RIMS1: variants seen among roughly 807,000 people sequenced by gnomAD.
The protein encoded by RIMS1 is regulating synaptic membrane exocytosis 1.
In RIMS1, 83 loss-of-function variants were observed where a neutral mutation model predicts 214.1. That is an observed-to-expected ratio of 0.39 (90% confidence interval 0.32 to 0.47). RIMS1 has a LOEUF of 0.47. Ranked by LOEUF, RIMS1 falls within the 20% of genes least tolerant of loss-of-function variation. The pLI, the probability that RIMS1 is intolerant of heterozygous loss-of-function variation, is 0.99. For missense variants in RIMS1, 2,050 were observed against 2,161.8 expected (o/e 0.95, Z 1.03); for synonymous variants, 793 against 786.8 (o/e 1.01, Z -0.13).
At chr6:72,262,152 A>G (rs979445725) in intron 19 of RIMS1, 1 of 979,318 alleles carries the variant, frequency 1.0e-6, no homozygotes, top group African/African-American at 1.7e-5. Flanking sequence ...TACTCACACC[A>G]GTGGTCTAAA....
chr6:72,077,363 T>C (rs1832182961), intron 2 of RIMS1, among the ~76,000 whole-genome samples: 1 of 152,234 alleles, frequency 6.6e-6, no homozygotes, highest in Non-Finnish European at 1.5e-5. Flanking sequence ...AACAAGGACT[T>C]AGTTTTGTTC....
At position 72,183,061 on chromosome 6, in the gene RIMS1, G is replaced by C; in HGVS notation, c.1590G>C (p.Val530=). The change falls in exon 6 of 34, where the codon GTG becomes GTC. Residue 530 remains valine, a synonymous_variant. Coordinates refer to ENST00000521978, the MANE Select transcript of RIMS1 (RefSeq NM_014989.7). ...KRGGKKRQMS[V]SSSEEEGVST... is the part of the protein sequence containing the mutation. ...GCGGCAAGAAGCGGCAGATGTCGGT[G>C]AGCAGCTCTGAGGAGGAGGGCGTGT... 1.3e-6 allele frequency: 2 copies of C among 1,595,364 alleles called. No individual in the cohort carries two copies. Among genetic ancestry groups the C allele is most frequent in the Non-Finnish European group, 1.7e-6 (2 of 1,171,938 alleles).
intron 2 of RIMS1, among the ~76,000 whole-genome samples, chr6:72,063,511 C>A (rs748430744): frequency 1.2e-4 from 18 of 152,172 alleles, no homozygotes; most frequent in African/African-American, 2.9e-4. Context: ...TTGGGCATAC[C>A]TTCAAACCCT....
chr6:72,202,447 G>T (rs1052774541), intron 6 of RIMS1, among the ~76,000 whole-genome samples: 1 of 151,280 alleles, frequency 6.6e-6, no homozygotes, highest in Non-Finnish European at 1.5e-5. Flanking sequence ...TCCTCTTCTT[G>T]TAAGGATACC....
chr6:72,048,382 C>T (rs1823659540), intron 2 of RIMS1, among the ~76,000 whole-genome samples: 1 of 152,172 alleles, frequency 6.6e-6, no homozygotes, highest in Admixed American at 6.5e-5. Context: ...TTGGCTAACA[C>T]TGTGGCCTTC....
intron 22 of RIMS1, among the ~76,000 whole-genome samples, chr6:72,273,360 C>A (rs2084422622): frequency 6.6e-6 from 1 of 151,984 alleles, no homozygotes; most frequent in Non-Finnish European, 1.5e-5. Flanking sequence ...TCCAGTTATT[C>A]CTTCTTTCAT....
intron 29 of RIMS1, among the ~76,000 whole-genome samples, 157 bp downstream of exon 29, chr6:72,333,992 G>T (rs904249372): frequency 6.6e-6 from 1 of 151,854 alleles, no homozygotes; most frequent in East Asian, 1.9e-4. Context: ...AAATTTATGG[G>T]TTTATTTTTT....
chr6:72,313,361 G>C, intron 27 of RIMS1, 145 bp from the exon 28 acceptor site: 1 of 610,322 alleles, frequency 1.6e-6, no homozygotes, highest in Non-Finnish European at 2.8e-6. Context: ...TCATATGGTA[G>C]TATTTGGATT....
chr6:72,067,323 C>T (rs1057313698), intron 2 of RIMS1, among the ~76,000 whole-genome samples: 1 of 152,166 alleles, frequency 6.6e-6, no homozygotes, highest in Non-Finnish European at 1.5e-5. Flanking sequence ...GAGGCTGCTC[C>T]ACTCACCTTC....
chr6:72,283,172 A>G (rs2090978846), intron 23 of RIMS1, among the ~76,000 whole-genome samples: 1 of 152,162 alleles, frequency 6.6e-6, no homozygotes. Context: ...AATTAATATT[A>G]AATACACATT....
intron 4 of RIMS1, among the ~76,000 whole-genome samples, chr6:72,126,996 G>A (rs1195414497): frequency 6.6e-6 from 1 of 152,068 alleles, no homozygotes; most frequent in Non-Finnish European, 1.5e-5. Flanking sequence ...TGAGAATGAA[G>A]ATCCAGTTTG....
chr6:72,319,688 A>G (rs78915884), intron 28 of RIMS1, among the ~76,000 whole-genome samples: 1,572 of 151,994 alleles, frequency 0.01, 69 homozygotes, highest in Admixed American at 0.08. Context: ...TCATAGATTT[A>G]TTCATTTACT....
intron 2 of RIMS1, among the ~76,000 whole-genome samples, chr6:72,003,844 C>CT (rs941204687): frequency 2.0e-5 from 3 of 147,632 alleles, no homozygotes; most frequent in East Asian, 2.0e-4. Context: ...GATCATTTTT[C>CT]TTTTTTTTTC....
At chr6:72,140,794 G>A (rs1184937472) in intron 4 of RIMS1, among the ~76,000 whole-genome samples, 1 of 152,010 alleles carries the variant, frequency 6.6e-6, no homozygotes, top group Non-Finnish European at 1.5e-5. Context: ...CTGTCCTTAA[G>A]AGACATCAAC....
intron 29 of RIMS1, among the ~76,000 whole-genome samples, chr6:72,386,849 T>A (rs1195548022): frequency 6.6e-6 from 1 of 150,768 alleles, no homozygotes; most frequent in Non-Finnish European, 1.5e-5. Context: ...TTCTCCTGCC[T>A]GAGCCTCCCG....
At chr6:72,312,348 T>C (rs925751431) in intron 27 of RIMS1, among the ~76,000 whole-genome samples, 4 of 152,098 alleles carry the variant, frequency 2.6e-5, no homozygotes, top group African/African-American at 9.7e-5. Context: ...TTCCAGTATC[T>C]AAGAAAACTA....
At chr6:71,924,694 C>A (rs1781065946) in intron 1 of RIMS1, among the ~76,000 whole-genome samples, 1 of 148,120 alleles carries the variant, frequency 6.8e-6, no homozygotes, top group African/African-American at 2.5e-5. Flanking sequence ...ATAGTCCCAG[C>A]TACTCAGGAG....
chr6:72,254,644 T>A (rs928095422), intron 16 of RIMS1, among the ~76,000 whole-genome samples: 1 of 152,160 alleles, frequency 6.6e-6, no homozygotes, highest in Non-Finnish European at 1.5e-5. Flanking sequence ...GGGAAGTAAA[T>A]GATGAATAAA....
intron 4 of RIMS1, among the ~76,000 whole-genome samples, chr6:72,144,263 T>G (rs1330910757): frequency 6.6e-6 from 1 of 152,202 alleles, no homozygotes; most frequent in Non-Finnish European, 1.5e-5. Flanking sequence ...CCTCAATGGT[T>G]CTGAATTTCA....
Sources: gnomAD v4.1 joint callset for allele counts (sites outside exome capture counted in the v4.1 genomes callset) on GRCh38, gnomAD v4.1.1 for gene constraint, MANE v1.5 for transcripts, NCBI Gene and HGNC (gene_info 2026-07-23, HGNC 2026-07-21) for gene names.